The following TMEM161A variants were observed in gnomAD, a reference collection of about 807,000 sequenced individuals.
The protein encoded by TMEM161A is transmembrane protein 161A.
Under a neutral mutation model 57.1 loss-of-function variants are expected in TMEM161A, and 46 were observed. The observed-to-expected ratio is 0.81, with a 90% confidence interval of 0.64 to 1.03. The LOEUF is 1.03. Among genes scored for constraint, TMEM161A ranks in the 50% least tolerant of loss-of-function variants. The probability of loss-of-function intolerance (pLI) is 0.00; values close to 1 mark genes in which losing one functional copy is unlikely to be tolerated. For synonymous variants in TMEM161A, 288 were observed against 279.0 expected, an observed-to-expected ratio of 1.03 and a Z score of -0.32; for missense variants, 601 against 621.5, an observed-to-expected ratio of 0.97 and a Z score of 0.35.
intron 2 of TMEM161A, among the ~76,000 whole-genome samples, chr19:19,133,754 G>A (rs1054908124): frequency 6.6e-6 from 1 of 152,102 alleles, no homozygotes; most frequent in African/African-American, 2.4e-5. Flanking sequence ...TTACAGGTGT[G>A]AGCCACCTCG....
intron 2 of TMEM161A, 31 bp downstream of exon 2, chr19:19,134,753 G>T: frequency 6.6e-7 from 1 of 1,510,104 alleles, no homozygotes; most frequent in Non-Finnish European, 9.0e-7. Flanking sequence ...GTGACTCCGC[G>T]GGCCCCTCCC....
At position 19,132,547 on chromosome 19, in the gene TMEM161A, G is replaced by T; in HGVS notation, c.287-39C>A. The T allele has an allele frequency of 6.2e-7, 1 of 1,600,722 alleles. No individual in the cohort carries two copies. The highest frequency in any genetic ancestry group is 1.1e-5 in the South Asian group (1 of 89,108). On this transcript the variant is annotated intron_variant, in intron 4 of 11. Coordinates refer to ENST00000162044, the MANE Select transcript of TMEM161A (RefSeq NM_017814.3). This position sits in a 1 kb window ranked among gnomAD's most constrained non-coding sequence, Gnocchi z 4.3. ...TCTGCTCAGCCCTGGGGCCCAGCTC[G>T]CTCCCCTCCTAATAGAACATTCTTC... is the stretch of plus-strand genomic sequence containing the variant.
At position 19,132,925 on chromosome 19, in the gene TMEM161A, A is replaced by C; in HGVS notation, c.189-171T>G. 1.4e-6 allele frequency: 1 copy of C among 723,064 alleles called. No homozygotes were observed. The highest frequency in any genetic ancestry group is 2.2e-6 in the Non-Finnish European group (1 of 444,968). The allele number at this position is 723,064 out of a possible 1,614,324, so 44.8% of individuals were successfully genotyped here. On this transcript the variant is annotated intron_variant, in intron 3 of 11. Coordinates refer to ENST00000162044, the MANE Select transcript of TMEM161A (RefSeq NM_017814.3). This position sits in a 1 kb window ranked among gnomAD's most constrained non-coding sequence, Gnocchi z 4.3. The stretch of plus-strand genomic sequence containing the variant: ...ACCCACCCACAGGACTGGCTAGAGC[A>C]AACTGCCAGGAAACAGATGCTAACT...
chr19:19,131,791 G>C (rs1286711678), intron 5 of TMEM161A, among the ~76,000 whole-genome samples: 3 of 152,102 alleles, frequency 2.0e-5, no homozygotes, highest in Non-Finnish European at 2.9e-5. Context: ...CTCCCAAAGT[G>C]CTGGGATTAC....
intron 5 of TMEM161A, among the ~76,000 whole-genome samples, chr19:19,131,144 C>T (rs538500957): frequency 1.2e-4 from 18 of 152,182 alleles, no homozygotes; most frequent in Middle Eastern, 3.4e-3. Flanking sequence ...CACTTGAACC[C>T]GGGAGACAGA....
intron 5 of TMEM161A, 67 bp from the exon 6 acceptor site, chr19:19,130,374 T>C (rs542674002): frequency 1.3e-6 from 2 of 1,588,792 alleles, no homozygotes; most frequent in Non-Finnish European, 1.7e-6. Flanking sequence ...CCACACTCCG[T>C]CTGGGACCCC....
Position 19,120,872 on chromosome 19 carries a change from G to A in TMEM161A, c.1090-11C>T. The stretch of plus-strand genomic sequence containing the variant: ...GTAGACTCGGACCACCTGTGGGCAG[G>A]TAGCAGGGGTGGCTGCAGCAGGAGG... On this transcript the variant is annotated splice_polypyrimidine_tract_variant and intron_variant, in intron 10 of 11. Coordinates refer to ENST00000162044, the MANE Select transcript of TMEM161A (RefSeq NM_017814.3). 1 of 1,613,066 alleles carries A rather than the reference G, an allele frequency of 6.2e-7. No homozygotes were observed. The highest frequency in any genetic ancestry group is 1.3e-5 in the African/African-American group (1 of 75,056).
intron 6 of TMEM161A, among the ~76,000 whole-genome samples, chr19:19,124,115 G>C (rs1479907390): frequency 6.6e-6 from 1 of 151,964 alleles, no homozygotes; most frequent in African/African-American, 2.4e-5. Context: ...TAAAATGGCT[G>C]ATTCACCAGG....
At chr19:19,130,132 C>A in intron 6 of TMEM161A, 24 bp downstream of exon 6, 1 of 1,610,700 alleles carries the variant, frequency 6.2e-7, no homozygotes, top group South Asian at 1.1e-5. Flanking sequence ...GCTGCGGTGG[C>A]CCCACGTTGG....
chr19:19,136,394 G>A (rs1447495041), intron 1 of TMEM161A, among the ~76,000 whole-genome samples: 1 of 152,184 alleles, frequency 6.6e-6, no homozygotes, highest in East Asian at 1.9e-4. Context: ...GGTGGCTCGT[G>A]CCTGTAATCC....
At chr19:19,135,552 TTTTA>T (rs1232702002) in intron 1 of TMEM161A, among the ~76,000 whole-genome samples, 1 of 152,014 alleles carries the variant, frequency 6.6e-6, no homozygotes, top group Non-Finnish European at 1.5e-5. Flanking sequence ...GCTTATTTAT[TTTTA>T]TTTATTTATT....
chr19:19,133,016 G>A, intron 3 of TMEM161A, 114 bp downstream of exon 3: 2 of 965,070 alleles, frequency 2.1e-6, no homozygotes, highest in East Asian at 5.2e-5. Context: ...GCGCCTGGAA[G>A]TATGGGTGGG....
In TMEM161A at chr19:19,121,667, G is replaced by T. The variant is rs772918361; in HGVS notation, c.658C>A (p.Leu220Ile). 2.0e-5 allele frequency: 33 copies of T among 1,613,368 alleles called. No individual in the cohort carries two copies. Among genetic ancestry groups the T allele is most frequent in the Non-Finnish European group, 2.7e-5 (32 of 1,179,556 alleles). Reference sequence around the variant, plus strand: ...CGGATAGCCAGCTTGGCCACAGGAAGCCTAGGAGAACACCAGGTCACGAGC... The same window carrying T: ...CGGATAGCCAGCTTGGCCACAGGAATCCTAGGAGAACACCAGGTCACGAGC... ...LLKKQGWDWA[L>I]PVAKLAIRVG... Residue 220 changes from leucine to isoleucine, a missense_variant and splice_region_variant, in exon 8 of 12, where the codon CTT (leucine) becomes ATT (isoleucine). Transcript: ENST00000162044. This position sits in a 1 kb window ranked among gnomAD's most constrained non-coding sequence, Gnocchi z 5.8.
chr19:19,136,712 A>G (rs1203396856), intron 1 of TMEM161A, among the ~76,000 whole-genome samples: 3 of 152,138 alleles, frequency 2.0e-5, no homozygotes, highest in Non-Finnish European at 2.9e-5. Flanking sequence ...GACTAATAGG[A>G]CATTTTCTCT....
chr19:19,125,004 C>G (rs1325115990), intron 6 of TMEM161A, among the ~76,000 whole-genome samples: 1 of 151,060 alleles, frequency 6.6e-6, no homozygotes, highest in Non-Finnish European at 1.5e-5. Flanking sequence ...AAAGTGAGAC[C>G]TGGTAAAATA....
In TMEM161A at chr19:19,134,857, G is replaced by A. The variant is rs1185379406; in HGVS notation, c.34C>T (p.Leu12=). 6.3e-7 allele frequency: 1 copy of A among 1,598,030 alleles called. No homozygotes were observed. The highest frequency in any genetic ancestry group is 1.1e-5 in the South Asian group (1 of 88,190). The part of the protein sequence containing the change: ...AVLGVQLVVT[L]LTATLMHRLA... The stretch of plus-strand genomic sequence containing the variant: ...CTGTGCATGAGGGTGGCAGTGAGCA[G>A]GGTCACCACCAGCTGTACTCCGAGG... Residue 12 remains leucine, a synonymous_variant, in exon 2 of 12, where the codon CTG becomes TTG. Transcript: ENST00000162044.
rs556314414 is a variant in TMEM161A, at chr19:19,119,846, C to T, written c.*84G>A. On this transcript the variant is annotated 3_prime_UTR_variant, in exon 12 of 12. Coordinates refer to ENST00000162044, the MANE Select transcript of TMEM161A (RefSeq NM_017814.3). ...TCCGGCCCCACCTTGCAGCTGGGGA[C>T]ACGGGGGCGCAAACAGAGGGGGCAG... 2.0e-4 allele frequency: 289 copies of T among 1,478,948 alleles called. 2 individuals carry two copies. The South Asian group carries it at 3.7e-3, about 19-fold the overall frequency. 91.6% of individuals were successfully genotyped at this position (1,478,948 alleles called of 1,614,324 possible).
At chr19:19,133,920 C>T (rs1282065006) in intron 2 of TMEM161A, among the ~76,000 whole-genome samples, 9 of 152,132 alleles carry the variant, frequency 5.9e-5, no homozygotes, top group Non-Finnish European at 8.8e-5. Flanking sequence ...CAGGCGTGAG[C>T]CACCATACCT....
At chr19:19,120,893 G>C in intron 10 of TMEM161A, 32 bp from the exon 11 acceptor site, 1 of 1,612,302 alleles carries the variant, frequency 6.2e-7, no homozygotes, top group South Asian at 1.1e-5. Context: ...GGCTGCAGCA[G>C]GAGGCCTTCT....
Sources: allele counts gnomAD v4.1 joint callset (sites outside exome capture counted in the v4.1 genomes callset), GRCh38; gene constraint gnomAD v4.1.1; non-coding constraint Gnocchi (gnomAD v3.1); transcripts MANE v1.5; gene names NCBI Gene and HGNC (gene_info 2026-07-23, HGNC 2026-07-21).